Variants in NCOA1 observed in about 807,000 individuals in gnomAD.
NCOA1 encodes Hin-2 protein.
A neutral mutation model predicts 150.9 loss-of-function variants in NCOA1; 35 were observed. The observed-to-expected ratio is 0.23, with a 90% CI of 0.18 to 0.31. The LOEUF (loss-of-function observed/expected upper bound fraction) is 0.31. Among genes scored for constraint, NCOA1 ranks in the 10% least tolerant of loss-of-function variants. The pLI, the probability that NCOA1 is intolerant of heterozygous loss-of-function variation, is 1.00. For missense variants in NCOA1, 1,491 were observed against 1,749.3 expected, an observed-to-expected ratio of 0.85 and a Z score of 2.63; for synonymous variants, 590 against 630.0, an observed-to-expected ratio of 0.94 and a Z score of 0.95.
intron 3 of NCOA1, among the ~76,000 whole-genome samples, chr2:24,642,037 T>TGCGCGCGCGCGCGC (rs1553441349): frequency 7.2e-6 from 1 of 138,452 alleles, no homozygotes; most frequent in African/African-American, 2.6e-5. Context: ...TGTGTGTGTG[T>TGCGCGCGCGCGCGC]GCGCGCGTGC....
chr2:24,768,297 A>G lies in NCOA1; in HGVS notation c.4232A>G (p.Gln1411Arg), dbSNP rs1179717938. ...GTAGGCGGGGACCCTTACCTGAACC[A>G]GCCTGGTCCACTGGGAACTCAAAAG... ...NLVGGDPYLN[Q>R]PGPLGTQKPT... The change falls in exon 23 of 23, where the codon CAG becomes CGG. Residue 1411 changes from glutamine to arginine, a missense_variant. By Grantham distance (43) the Gln-to-Arg change is conservative. This residue lies in a region of NCOA1 where 46 missense variants were observed against 78.8 expected (regional missense o/e 0.58). Coordinates refer to ENST00000348332, the MANE Select transcript of NCOA1 (RefSeq NM_003743.5). 6.2e-7 allele frequency: 1 copy of G among 1,614,054 alleles called. No individual in the cohort carries two copies. The highest frequency in any genetic ancestry group is 8.5e-7 in the Non-Finnish European group (1 of 1,180,004).
chr2:24,566,214 G>C (rs1311942657), intron 2 of NCOA1, among the ~76,000 whole-genome samples: 6 of 152,220 alleles, frequency 3.9e-5, no homozygotes, highest in Admixed American at 1.3e-4. Context: ...ACTTGCAATA[G>C]GTAGCTCCTT....
chr2:24,770,069 G>A lies in NCOA1; in HGVS notation c.*1678G>A, dbSNP rs893791900. On this transcript the variant is annotated 3_prime_UTR_variant, in exon 23 of 23. Coordinates refer to ENST00000348332, the MANE Select transcript of NCOA1 (RefSeq NM_003743.5). The stretch of plus-strand genomic sequence containing the variant: ...ACAGCATCTATTCAGAAACTATGCC[G>A]AATAAAAAGATTGGTGGAAGGGCTC... 14 of 229,046 alleles carry A rather than the reference G, an allele frequency of 6.1e-5. No individual in the cohort carries two copies. The highest frequency in any genetic ancestry group is 1.8e-4 in the South Asian group (1 of 5,488). The allele number at this position is 229,046 out of a possible 1,614,324, so 14.2% of individuals were successfully genotyped here.
At chr2:24,601,665 C>T (rs2148358273) in intron 3 of NCOA1, among the ~76,000 whole-genome samples, 1 of 150,290 alleles carries the variant, frequency 6.7e-6, no homozygotes, top group African/African-American at 2.5e-5. Flanking sequence ...TGGAGTCTCG[C>T]TCTGTCGCCC....
intron 3 of NCOA1, among the ~76,000 whole-genome samples, chr2:24,594,753 A>T (rs1387571141): frequency 6.6e-6 from 1 of 152,070 alleles, no homozygotes; most frequent in African/African-American, 2.4e-5. Flanking sequence ...TTTAAATTTT[A>T]TCCTTAGAAA....
At chr2:24,582,319 T>C (rs911656092) in intron 2 of NCOA1, among the ~76,000 whole-genome samples, 2 of 151,980 alleles carry the variant, frequency 1.3e-5, no homozygotes, top group Non-Finnish European at 2.9e-5. Flanking sequence ...ATATCAGTAA[T>C]GAACTAGCCT....
Position 24,595,876 on chromosome 2 carries a change from A to G in NCOA1, c.-175+11316A>G, listed in dbSNP as rs189700559. On this transcript the variant is annotated intron_variant, in intron 3 of 22. Coordinates refer to ENST00000348332, the MANE Select transcript of NCOA1 (RefSeq NM_003743.5). ...AATTATTTCATGAAGTGTTAATGTG[A>G]TACTGTGTCATCTCTTTGCTGTATA... Among the ~76,000 whole-genome samples, 14 of 152,242 alleles carry G rather than the reference A, an allele frequency of 9.2e-5. No individual in the cohort carries two copies. In the East Asian group the frequency reaches 2.3e-3, roughly 25 times the overall value.
chr2:24,713,442 TAAAG>T lies in NCOA1; in HGVS notation c.2599+2335_2599+2338del, dbSNP rs944079040. Among the ~76,000 whole-genome samples, 182 of 152,174 alleles carry T rather than the reference TAAAG, an allele frequency of 1.2e-3. 2 individuals are homozygous for T. Among genetic ancestry groups the T allele is most frequent in the African/African-American group, 4.3e-3 (177 of 41,528 alleles). ...TCATATCATTCTGGAACATGAGAGA[TAAAG>T]AAAAGATTCTAAAACCTTTCAGAGA... On this transcript the variant is annotated intron_variant, in intron 14 of 22. Coordinates refer to ENST00000348332, the MANE Select transcript of NCOA1 (RefSeq NM_003743.5).
At chr2:24,571,551 T>A (rs1274547815) in intron 2 of NCOA1, among the ~76,000 whole-genome samples, 1 of 152,222 alleles carries the variant, frequency 6.6e-6, no homozygotes, top group Admixed American at 6.5e-5. Flanking sequence ...GGGATTTGTA[T>A]CCAGGCATTC....
rs1663516182 is a variant in NCOA1, at chr2:24,502,715, TTC to T, written c.-396+11117_-396+11118del. Among the ~76,000 whole-genome samples, 4 of 152,222 alleles carry T rather than the reference TTC, an allele frequency of 2.6e-5. No individual in the cohort carries two copies. In the South Asian group the frequency reaches 8.3e-4, roughly 31 times the overall value. Reference sequence around the variant, plus strand: ...TGTCCTCTAAACATCTCTTGAGCTTTTCTCTTTCTACCTCTTTATATGTTATT... The same window carrying T: ...TGTCCTCTAAACATCTCTTGAGCTTTTCTTTCTACCTCTTTATATGTTATT... On this transcript the variant is annotated intron_variant, in intron 1 of 22. Transcript: ENST00000348332.
chr2:24,625,364 CAAA>C (rs35143423), intron 3 of NCOA1, among the ~76,000 whole-genome samples: 12 of 82,118 alleles, frequency 1.5e-4, no homozygotes, highest in Non-Finnish European at 1.8e-4. Flanking sequence ...GACTCTGCCT[CAAA>C]AAAAAAAAAA....
intron 14 of NCOA1, among the ~76,000 whole-genome samples, chr2:24,715,475 A>C (rs1051127719): frequency 6.6e-6 from 1 of 152,196 alleles, no homozygotes; most frequent in Non-Finnish European, 1.5e-5. Context: ...AAAATATTCT[A>C]TAAGTGTCCT....
chr2:24,554,051 C>T (rs2148232357), intron 1 of NCOA1, among the ~76,000 whole-genome samples: 1 of 152,212 alleles, frequency 6.6e-6, no homozygotes, highest in Non-Finnish European at 1.5e-5. Flanking sequence ...GTGATGTCTC[C>T]TTTTCATTAC....
At chr2:24,752,217 T>TA in intron 20 of NCOA1, 61 bp downstream of exon 20, 3 of 1,550,908 alleles carry the variant, frequency 1.9e-6, no homozygotes, top group Non-Finnish European at 2.6e-6. Flanking sequence ...TTGATACTGA[T>TA]AAATGCTACA....
At chr2:24,631,201 A>C (rs939942190) in intron 3 of NCOA1, among the ~76,000 whole-genome samples, 2 of 152,178 alleles carry the variant, frequency 1.3e-5, no homozygotes, top group African/African-American at 4.8e-5. Flanking sequence ...ACTCCATGCT[A>C]CCAAAATAAT....
chr2:24,673,613 C>T, intron 7 of NCOA1, 150 bp downstream of exon 7: 1 of 503,970 alleles, frequency 2.0e-6, no homozygotes, highest in Non-Finnish European at 3.4e-6. Context: ...AACTATTTGA[C>T]AGTTGTTACT....
intron 7 of NCOA1, among the ~76,000 whole-genome samples, chr2:24,681,881 A>AT (rs1672193373): frequency 1.3e-5 from 2 of 151,890 alleles, no homozygotes; most frequent in Admixed American, 1.3e-4. Context: ...CACTTGGCTA[A>AT]TTTTTTGTAT....
intron 1 of NCOA1, among the ~76,000 whole-genome samples, chr2:24,557,724 A>G (rs1666130433): frequency 6.6e-6 from 1 of 152,170 alleles, no homozygotes; most frequent in Non-Finnish European, 1.5e-5. Context: ...AATTCTATAC[A>G]TAGAACTGAA....
chr2:24,653,773 T>C (rs528363776), intron 4 of NCOA1, among the ~76,000 whole-genome samples: 3 of 152,284 alleles, frequency 2.0e-5, no homozygotes, highest in Non-Finnish European at 4.4e-5. Context: ...CTAATTTCAT[T>C]GGAGGCCGAA....
Sources: gnomAD v4.1 joint callset for allele counts (sites outside exome capture counted in the v4.1 genomes callset) on GRCh38, gnomAD v4.1.1 for gene constraint, gnomAD v4.1.1 regional missense constraint, MANE v1.5 for transcripts, NCBI Gene and HGNC (gene_info 2026-07-23, HGNC 2026-07-21) for gene names.